Variants in GALNT9 observed in about 807,000 individuals in gnomAD.
The protein encoded by GALNT9 is polypeptide N-acetylgalactosaminyltransferase 9, also known as GalNAc transferase 9.
Under a neutral mutation model 63.1 loss-of-function variants are expected in GALNT9, and 47 were observed. The ratio of observed to expected loss-of-function variants is 0.75; its 90% CI spans 0.59 to 0.95. The LOEUF (loss-of-function observed/expected upper bound fraction) is 0.95. GALNT9 is among the 40% of genes least tolerant of loss of function. GALNT9 has a pLI of 0.00. For synonymous variants in GALNT9, 396 were observed against 365.7 expected, an observed-to-expected ratio of 1.08 and a Z score of -0.94; for missense variants, 829 against 874.8, an observed-to-expected ratio of 0.95 and a Z score of 0.66.
At chr12:132,227,435 G>A (rs1031834758) in intron 6 of GALNT9, among the ~76,000 whole-genome samples, 7 of 152,206 alleles carry the variant, frequency 4.6e-5, no homozygotes, top group African/African-American at 9.6e-5. Flanking sequence ...CTCAGGCCGC[G>A]TTACACCCAG....
intron 6 of GALNT9, among the ~76,000 whole-genome samples, chr12:132,229,510 C>T (rs1212005998): frequency 6.6e-6 from 1 of 152,254 alleles, no homozygotes; most frequent in African/African-American, 2.4e-5. Context: ...CCCCAGACAC[C>T]GACCACACCC....
chr12:132,284,158 C>G (rs562590732), intron 2 of GALNT9: 83 of 151,730 alleles, frequency 5.5e-4, no homozygotes, highest in South Asian at 4.2e-4. Context: ...CATGCACGCA[C>G]ACGCACGTAT....
At chr12:132,320,863 G>A (rs1468103682) in intron 1 of GALNT9, among the ~76,000 whole-genome samples, 2 of 152,210 alleles carry the variant, frequency 1.3e-5, no homozygotes, top group African/African-American at 4.8e-5. Flanking sequence ...AGGGCCCCCC[G>A]AGGCTGTTGC....
chr12:132,277,889 C>T (rs978827407), intron 2 of GALNT9: 2 of 152,308 alleles, frequency 1.3e-5, no homozygotes, highest in African/African-American at 4.8e-5. Context: ...TGATCTTGCA[C>T]TTCCGGCCTC....
At chr12:132,324,646 T>G (rs1008197666) in intron 1 of GALNT9, among the ~76,000 whole-genome samples, 8 of 151,788 alleles carry the variant, frequency 5.3e-5, no homozygotes, top group Non-Finnish European at 8.8e-5. Context: ...CCGGCTCTTG[T>G]CAGGGAGACA....
chr12:132,283,287 C>T (rs112407335), intron 2 of GALNT9: 2,931 of 152,402 alleles, frequency 0.019, 96 homozygotes, highest in African/African-American at 0.066. Flanking sequence ...ACAGGCAGGC[C>T]GGGAGAGCAG....
At chr12:132,225,026 A>G (rs1295529524) in intron 6 of GALNT9, among the ~76,000 whole-genome samples, 8 of 62,316 alleles carry the variant, frequency 1.3e-4, no homozygotes, top group African/African-American at 5.0e-4. Flanking sequence ...CCCCCCACAC[A>G]CCACATAACC....
intron 2 of GALNT9, among the ~76,000 whole-genome samples, chr12:132,268,179 A>G (rs1879723530): frequency 1.3e-5 from 2 of 151,600 alleles, no homozygotes; most frequent in Non-Finnish European, 2.9e-5. Flanking sequence ...TCAAACCCAT[A>G]CATGTACTCA....
intron 10 of GALNT9, among the ~76,000 whole-genome samples, chr12:132,197,537 G>A (rs1341437637): frequency 2.0e-5 from 3 of 152,202 alleles, no homozygotes; most frequent in Non-Finnish European, 4.4e-5. Context: ...GAGGCTGGAA[G>A]AGGCAGATGC....
In GALNT9 at chr12:132,226,899, G is replaced by A. The variant is rs1164067673; in HGVS notation, c.1077+21011C>T. Among the ~76,000 whole-genome samples the A allele has an allele frequency of 4.1e-5, 5 of 121,588 alleles. No homozygotes were observed. The South Asian group carries it at 1.1e-3, about 27-fold the overall frequency. The allele number at this position is 121,588 out of a possible 152,430, so 79.8% of individuals were successfully genotyped here. On this transcript the variant is annotated intron_variant, in intron 6 of 10. Coordinates refer to ENST00000328957, the MANE Select transcript of GALNT9 (RefSeq NM_001122636.2). ...CCACACACATACACTCCATAAACAC[G>A]CCCCACACACACCATATACATACCC...
intron 6 of GALNT9, among the ~76,000 whole-genome samples, chr12:132,218,703 G>A (rs1286283058): frequency 2.0e-5 from 3 of 152,210 alleles, no homozygotes; most frequent in Non-Finnish European, 4.4e-5. Flanking sequence ...CTCCCAGGGC[G>A]CAGTGGGCGC....
chr12:132,291,084 G>A (rs1265634754), intron 1 of GALNT9, among the ~76,000 whole-genome samples: 4 of 55,032 alleles, frequency 7.3e-5, no homozygotes, highest in African/African-American at 1.9e-4. Flanking sequence ...CAGCACCCAC[G>A]TCCACATCAC....
At position 132,282,386 on chromosome 12, in the gene GALNT9, T is replaced by TA. The variant is rs1451391165; in HGVS notation, c.419+3863dup. 1.3e-5 allele frequency among the ~76,000 whole-genome samples: 2 copies of TA among 152,166 alleles called. No individual in the cohort carries two copies. The highest frequency in any genetic ancestry group is 2.4e-5 in the African/African-American group (1 of 41,440). On this transcript the variant is annotated intron_variant, in intron 2 of 10. Transcript: ENST00000328957. The surrounding 1 kb of genome is among the most constrained non-coding windows in gnomAD (Gnocchi z 4.5). The stretch of plus-strand genomic sequence containing the variant: ...ATTCAGATGTGCTTAAAGAAAAAAC[T>TA]AAAAATACGTGTGTGCGCGTGTGTG...
intron 1 of GALNT9, among the ~76,000 whole-genome samples, chr12:132,320,803 G>A (rs927190852): frequency 6.6e-6 from 1 of 152,246 alleles, no homozygotes; most frequent in African/African-American, 2.4e-5. Flanking sequence ...GGTGGGCGGC[G>A]CCAGCGGGGG....
At position 132,201,226 on chromosome 12, in the gene GALNT9, CCT is replaced by C. The variant is rs1389224315; in HGVS notation, c.1297_1298del (p.Arg433AlafsTer73). 3 of 1,613,334 alleles carry C rather than the reference CCT, an allele frequency of 1.9e-6. No homozygotes were observed. The highest frequency in any genetic ancestry group is 2.5e-6 in the Non-Finnish European group (3 of 1,179,436). On this transcript the variant is annotated frameshift_variant, in exon 8 of 11. Transcript: ENST00000328957. LOFTEE classifies it high-confidence loss of function. ...ACTTCAGCCTCTGACGCAGGGCCAG[CCT>C]CTCAGACACGTCCCCGAAGTCCACC... is the stretch of plus-strand genomic sequence containing the variant. Reference protein sequence around the residue: ...PGVDFGDVSERLALRQRLKCR... With the variant: ...PGVDFGDVSEXLALRQRLKCR...
Position 132,290,944 on chromosome 12 carries a change from C to T in GALNT9, c.239-4514G>A, listed in dbSNP as rs1296100499. ...ATCCAGAGCACCCACGTCCACACCA[C>T]CCACATCCACAGCGCCCACATCCAC... On this transcript the variant is annotated intron_variant, in intron 1 of 10. Coordinates refer to ENST00000328957, the MANE Select transcript of GALNT9 (RefSeq NM_001122636.2). Among the ~76,000 whole-genome samples the T allele has an allele frequency of 8.3e-4, 44 of 52,730 alleles. 1 individual carries two copies. The highest frequency in any genetic ancestry group is 4.4e-3 in the African/African-American group (43 of 9,676). The allele number at this position is 52,730 out of a possible 152,430, so 34.6% of individuals were successfully genotyped here. A position where few individuals can be genotyped will look rare whatever the true frequency, so the allele number is the denominator to read the frequency against.
chr12:132,308,843 G>C (rs899754246), intron 1 of GALNT9, among the ~76,000 whole-genome samples: 1 of 151,548 alleles, frequency 6.6e-6, no homozygotes, highest in Non-Finnish European at 1.5e-5. Context: ...CACGGGGCTC[G>C]GGATGGCCGC....
In GALNT9 at chr12:132,197,272, C is replaced by A; in HGVS notation, c.1666-19G>T. The A allele has an allele frequency of 1.2e-6, 2 of 1,608,456 alleles. No individual in the cohort carries two copies. Among genetic ancestry groups the A allele is most frequent in the Non-Finnish European group, 1.7e-6 (2 of 1,179,428 alleles). ...GGCCACTCTGTGGGGACAGGCACAT[C>A]AAGTCAGCCAGGTGCAGGCGTCCTT... On this transcript the variant is annotated intron_variant, in intron 10 of 10. Transcript: ENST00000328957.
At chr12:132,240,533 G>A (rs2136898507) in intron 6 of GALNT9, 7 of 442,394 alleles carry the variant, frequency 1.6e-5, no homozygotes, top group South Asian at 4.8e-5. Flanking sequence ...GCTGCTGTGG[G>A]CCTGGCGTGG....
Sources: allele counts gnomAD v4.1 joint callset (sites outside exome capture counted in the v4.1 genomes callset), GRCh38; gene constraint gnomAD v4.1.1; non-coding constraint Gnocchi (gnomAD v3.1); transcripts MANE v1.5; gene names NCBI Gene and HGNC (gene_info 2026-07-23, HGNC 2026-07-21).